The following STAG1 variants were observed in gnomAD, a reference collection of about 807,000 sequenced individuals.
The protein encoded by STAG1 is STAG1 cohesin complex component.
In STAG1, 26 loss-of-function variants were observed where a neutral mutation model predicts 170.9. The observed-to-expected ratio is 0.15, with a 90% CI of 0.11 to 0.21. STAG1 has a LOEUF of 0.21. Ranked by LOEUF, STAG1 falls within the 10% of genes least tolerant of loss-of-function variation. The pLI, the probability that STAG1 is intolerant of heterozygous loss-of-function variation, is 1.00. For synonymous variants in STAG1, 514 were observed against 497.7 expected (o/e 1.03, Z -0.44); for missense variants, 964 against 1,509.5 (o/e 0.64, Z 5.99).
chr3:136,702,164 T>TGAG (rs1943102016), intron 1 of STAG1, among the ~76,000 whole-genome samples: 1 of 77,172 alleles, frequency 1.3e-5, no homozygotes, highest in African/African-American at 1.4e-4. Context: ...ACAGAGAGAA[T>TGAG]GAGAATGTGG....
At chr3:136,489,563 C>T (rs1187415839) in intron 9 of STAG1, among the ~76,000 whole-genome samples, 3 of 151,896 alleles carry the variant, frequency 2.0e-5, no homozygotes, top group Admixed American at 6.6e-5. Flanking sequence ...TTATGAATGG[C>T]CAAAAAAGGC....
intron 4 of STAG1, 134 bp downstream of exon 4, chr3:136,604,175 A>G: frequency 1.4e-6 from 1 of 733,494 alleles, no homozygotes; most frequent in South Asian, 3.7e-5. Context: ...CAAAATAATA[A>G]CCTTTCAGGA....
intron 1 of STAG1, among the ~76,000 whole-genome samples, chr3:136,655,355 G>A (rs551515589): frequency 4.6e-5 from 7 of 152,284 alleles, no homozygotes; most frequent in South Asian, 2.1e-4. Context: ...GAAAATACAC[G>A]AATGGCCAGT....
At chr3:136,414,226 T>C (rs1046039753) in intron 21 of STAG1, among the ~76,000 whole-genome samples, 3 of 152,222 alleles carry the variant, frequency 2.0e-5, no homozygotes, top group African/African-American at 7.2e-5. Context: ...CTCTGTAGCA[T>C]GTGATGCTGT....
At chr3:136,365,945 T>C (rs1937058033) in intron 25 of STAG1, among the ~76,000 whole-genome samples, 2 of 151,632 alleles carry the variant, frequency 1.3e-5, no homozygotes, top group South Asian at 4.2e-4. Context: ...CTTCCCATGC[T>C]CATCTAGTAA....
intron 1 of STAG1, among the ~76,000 whole-genome samples, chr3:136,712,646 G>C (rs141948126): frequency 7.2e-4 from 110 of 152,260 alleles, no homozygotes; most frequent in Non-Finnish European, 1.4e-3. Context: ...GAATATAAAA[G>C]GGAATTCTCA....
chr3:136,656,576 A>G (rs1219204877), intron 1 of STAG1, among the ~76,000 whole-genome samples: 1 of 150,686 alleles, frequency 6.6e-6, no homozygotes, highest in Non-Finnish European at 1.5e-5. Flanking sequence ...AACAATATAT[A>G]TAAGAACACA....
intron 6 of STAG1, among the ~76,000 whole-genome samples, chr3:136,528,501 C>CT (rs1553740697): frequency 9.9e-5 from 14 of 141,166 alleles, no homozygotes; most frequent in Non-Finnish European, 1.8e-4. Flanking sequence ...CGCACCCCCC[C>CT]CCCCAAAAAA....
At chr3:136,527,422 G>A in intron 6 of STAG1, among the ~76,000 whole-genome samples, 1 of 152,148 alleles carries the variant, frequency 6.6e-6, no homozygotes, top group East Asian at 1.9e-4. Flanking sequence ...CGTAGTTCTA[G>A]TGCCATGGTT....
At chr3:136,683,554 G>C (rs950068445) in intron 1 of STAG1, among the ~76,000 whole-genome samples, 1 of 152,142 alleles carries the variant, frequency 6.6e-6, no homozygotes, top group African/African-American at 2.4e-5. Context: ...ACGAGCCACA[G>C]TGCCCAGCCT....
At chr3:136,525,993 G>T (rs1484044498) in intron 6 of STAG1, among the ~76,000 whole-genome samples, 1 of 152,158 alleles carries the variant, frequency 6.6e-6, no homozygotes, top group African/African-American at 2.4e-5. Flanking sequence ...TTTTACATTT[G>T]CTGAGGAGTG....
intron 21 of STAG1, among the ~76,000 whole-genome samples, chr3:136,412,787 AAATGC>A (rs2107713675): frequency 6.6e-6 from 1 of 152,278 alleles, no homozygotes; most frequent in South Asian, 2.1e-4. Context: ...TGTAACAACT[AAATGC>A]AATGCATTAT....
chr3:136,406,572 G>A (rs917424589), intron 21 of STAG1, among the ~76,000 whole-genome samples: 2 of 151,992 alleles, frequency 1.3e-5, no homozygotes, highest in African/African-American at 2.4e-5. Flanking sequence ...AAAATAATAT[G>A]GCAGAGTAAA....
rs1373457875 is a variant in STAG1 at position 136,495,026 on chromosome 3, C to T, written c.902+5197G>A. 4.6e-5 allele frequency among the ~76,000 whole-genome samples: 7 copies of T among 151,876 alleles called. No individual in the cohort carries two copies. The South Asian group carries it at 6.2e-4, about 14-fold the overall frequency. On this transcript the variant is annotated intron_variant, in intron 9 of 33. Transcript: ENST00000383202. The stretch of plus-strand genomic sequence containing the variant: ...GTACCAGTCAAAAAATTTTTGAAAA[C>T]GAAGAATAAAGTAAGACAACTTACA...
chr3:136,350,929 A>C (rs749366759), intron 28 of STAG1, among the ~76,000 whole-genome samples: 3 of 152,210 alleles, frequency 2.0e-5, no homozygotes, highest in Non-Finnish European at 4.4e-5. Context: ...AACCAGAGAA[A>C]GAGACAGCCA....
At chr3:136,554,558 A>G (rs1320606870) in intron 5 of STAG1, among the ~76,000 whole-genome samples, 1 of 152,202 alleles carries the variant, frequency 6.6e-6, no homozygotes. Flanking sequence ...GAAGAAAACA[A>G]TACAAAAAGT....
chr3:136,728,963 G>T (rs1229471378), intron 1 of STAG1, among the ~76,000 whole-genome samples: 1 of 152,142 alleles, frequency 6.6e-6, no homozygotes, highest in Non-Finnish European at 1.5e-5. Flanking sequence ...GGGAAAGAGA[G>T]ACAGTCTCTT....
intron 1 of STAG1, among the ~76,000 whole-genome samples, chr3:136,700,236 G>T (rs1467027819): frequency 6.8e-6 from 1 of 147,174 alleles, no homozygotes; most frequent in East Asian, 2.0e-4. Context: ...ATTATTTCTG[G>T]ATGCTCATGC....
At chr3:136,426,654 C>T (rs981493420) in intron 16 of STAG1, among the ~76,000 whole-genome samples, 1 of 151,808 alleles carries the variant, frequency 6.6e-6, no homozygotes, top group Non-Finnish European at 1.5e-5. Flanking sequence ...GATACAGTAT[C>T]GTGGCTAGGA....
Sources: allele counts gnomAD v4.1 joint callset (sites outside exome capture counted in the v4.1 genomes callset), GRCh38; gene constraint gnomAD v4.1.1; transcripts MANE v1.5; gene names NCBI Gene and HGNC (gene_info 2026-07-23, HGNC 2026-07-21).